Variants in BCAS3 observed in about 807,000 individuals in gnomAD.
BCAS3 encodes BCAS4/BCAS3 fusion.
BCAS3 carries 53 observed loss-of-function variants against 116.1 expected under a neutral mutation model. The ratio of observed to expected loss-of-function variants is 0.46; its 90% CI spans 0.37 to 0.57. The LOEUF is 0.57. Ranked by LOEUF, BCAS3 falls within the 20% of genes least tolerant of loss-of-function variation. The pLI is 0.00. For missense variants in BCAS3, 917 were observed against 1,165.4 expected, an observed-to-expected ratio of 0.79 and a Z score of 3.10; for synonymous variants, 391 against 408.2, an observed-to-expected ratio of 0.96 and a Z score of 0.51.
rs1185382697 is a variant in BCAS3, at chr17:61,068,410, C to T, written c.2030-6510C>T. Among the ~76,000 whole-genome samples the T allele has an allele frequency of 6.6e-6, 1 of 152,146 alleles. No homozygotes were observed. On this transcript the variant is annotated intron_variant, in intron 19 of 23. Coordinates refer to ENST00000407086, the MANE Select transcript of BCAS3 (RefSeq NM_017679.5). This position sits in a 1 kb window ranked among gnomAD's most constrained non-coding sequence, Gnocchi z 4.3. ...TGTCACCACTGACATGTCCCATTTC[C>T]CCACCAGATCATTGGCCATTGGTTC...
In BCAS3 at chr17:61,063,821, T is replaced by G. The variant is rs529894484; in HGVS notation, c.2030-11099T>G. Among the ~76,000 whole-genome samples, 2 of 152,312 alleles carry G rather than the reference T, an allele frequency of 1.3e-5. No homozygotes were observed. The highest frequency in any genetic ancestry group is 4.8e-5 in the African/African-American group (2 of 41,576). ...TCAATTAAGGCACAAAGAAGATGAATTTTTTTCCTATCAAATTGATATGGA... is the reference window on the plus strand; with the variant it reads ...TCAATTAAGGCACAAAGAAGATGAAGTTTTTTCCTATCAAATTGATATGGA... On this transcript the variant is annotated intron_variant, in intron 19 of 23. Transcript: ENST00000407086. This position sits in a 1 kb window ranked among gnomAD's most constrained non-coding sequence, Gnocchi z 5.3.
chr17:61,198,659 T>C lies in BCAS3; in HGVS notation c.2425+114095T>C, dbSNP rs2080640215. On this transcript the variant is annotated intron_variant, in intron 22 of 23. Transcript: ENST00000407086. The surrounding 1 kb of genome is among the most constrained non-coding windows in gnomAD (Gnocchi z 5.0). ...GATTCTGACCCATTTTTAGCTTCTG[T>C]GCATTTACTTTTAGTTAATCTGTTT... Among the ~76,000 whole-genome samples, 1 of 152,248 alleles carries C rather than the reference T, an allele frequency of 6.6e-6. No homozygotes were observed. Among genetic ancestry groups the C allele is most frequent in the South Asian group, 2.1e-4 (1 of 4,830 alleles).
At chr17:61,266,800 T>G (rs1015597631) in intron 22 of BCAS3, among the ~76,000 whole-genome samples, 1 of 152,246 alleles carries the variant, frequency 6.6e-6, no homozygotes, top group African/African-American at 2.4e-5. Flanking sequence ...TTCTCCCACT[T>G]TGTAAACACC....
At position 61,105,312 on chromosome 17, in the gene BCAS3, G is replaced by A. The variant is rs117916011; in HGVS notation, c.2425+20748G>A. Among the ~76,000 whole-genome samples the A allele has an allele frequency of 4.3e-4, 66 of 152,292 alleles. No individual in the cohort carries two copies. Among genetic ancestry groups the A allele is most frequent in the Non-Finnish European group, 2.5e-4 (17 of 68,030 alleles). ...AAATGATCACAGAAAAACCTAGGAG[G>A]AGCTAGTTCCATTTGTGAGGTTTTC... On this transcript the variant is annotated intron_variant, in intron 22 of 23. Transcript: ENST00000407086. This position sits in a 1 kb window ranked among gnomAD's most constrained non-coding sequence, Gnocchi z 4.3.
intron 22 of BCAS3, among the ~76,000 whole-genome samples, chr17:61,113,143 C>CCCA (rs2075209004): frequency 1.5e-5 from 1 of 64,698 alleles, no homozygotes; most frequent in Admixed American, 2.1e-4. Context: ...CAGGAAAGAT[C>CCCA]CAAAATTGAC....
At position 61,041,799 on chromosome 17, in the gene BCAS3, A is replaced by G. The variant is rs756845640; in HGVS notation, c.2029+907A>G. Among the ~76,000 whole-genome samples the G allele has an allele frequency of 6.6e-6, 1 of 152,036 alleles. No individual in the cohort carries two copies. The highest frequency in any genetic ancestry group is 2.1e-4 in the South Asian group (1 of 4,820). ...CAAGTTATGAAACTCTATAACTGTA[A>G]TCAATAGTTGGCAGTCTTGCTCTCT... is the stretch of plus-strand genomic sequence containing the variant. On this transcript the variant is annotated intron_variant, in intron 19 of 23. Transcript: ENST00000407086. The surrounding 1 kb of genome is among the most constrained non-coding windows in gnomAD (Gnocchi z 4.7).
intron 19 of BCAS3, among the ~76,000 whole-genome samples, chr17:61,052,964 G>A (rs933434091): frequency 5.3e-5 from 8 of 151,962 alleles, no homozygotes; most frequent in Non-Finnish European, 1.0e-4. Flanking sequence ...CGATCTGCCC[G>A]CCTCGGCCTC....
chr17:61,002,064 T>A (rs2064278444), intron 15 of BCAS3, among the ~76,000 whole-genome samples: 1 of 152,036 alleles, frequency 6.6e-6, no homozygotes, highest in South Asian at 2.1e-4. Context: ...GAGAGAAAGG[T>A]ATAGATAACG....
chr17:61,192,995 C>T (rs187435914), intron 22 of BCAS3, among the ~76,000 whole-genome samples: 2 of 152,348 alleles, frequency 1.3e-5, no homozygotes, highest in East Asian at 3.9e-4. Context: ...GGCACTGTGG[C>T]TCATGCCTAT....
At chr17:61,385,624 G>C (rs1362921139) in intron 23 of BCAS3, among the ~76,000 whole-genome samples, 1 of 152,196 alleles carries the variant, frequency 6.6e-6, no homozygotes, top group East Asian at 1.9e-4. Flanking sequence ...TCAAAGCCAG[G>C]CACTGGGCAA....
intron 14 of BCAS3, among the ~76,000 whole-genome samples, chr17:60,966,916 G>C (rs1196126967): frequency 1.3e-5 from 2 of 152,064 alleles, no homozygotes; most frequent in Non-Finnish European, 2.9e-5. Flanking sequence ...AAAGTGCTGG[G>C]ATTACAGATG....
intron 5 of BCAS3, among the ~76,000 whole-genome samples, chr17:60,713,121 G>A (rs2038130969): frequency 6.6e-6 from 1 of 152,206 alleles, no homozygotes; most frequent in Admixed American, 6.5e-5. Context: ...GTCCCTCCTT[G>A]TGCTTGTGAG....
rs547722442 is a variant in BCAS3, at chr17:60,691,394, A to G, written c.214+1633A>G. On this transcript the variant is annotated intron_variant, in intron 4 of 23. Transcript: ENST00000407086. ...CCAACTTCTCCACACCCTTTCCAAC[A>G]CTTGTTAGTTTCCTCTCTCTCTCTC... Among the ~76,000 whole-genome samples, 61 of 151,690 alleles carry G rather than the reference A, an allele frequency of 4.0e-4. 1 individual carries two copies. In the South Asian group the frequency reaches 0.012, roughly 31 times the overall value.
chr17:61,165,916 T>C, intron 22 of BCAS3, among the ~76,000 whole-genome samples: 1 of 152,166 alleles, frequency 6.6e-6, no homozygotes, highest in South Asian at 2.1e-4. Flanking sequence ...AGATGTTAGG[T>C]TATTTCAGCA....
chr17:60,911,596 C>A (rs957860871), intron 12 of BCAS3, among the ~76,000 whole-genome samples: 1 of 152,100 alleles, frequency 6.6e-6, no homozygotes, highest in South Asian at 2.1e-4. Flanking sequence ...CCGCGCCCAG[C>A]CTTAATTTTT....
chr17:60,984,873 G>A (rs1373984541), intron 14 of BCAS3, among the ~76,000 whole-genome samples: 1 of 151,632 alleles, frequency 6.6e-6, no homozygotes, highest in Admixed American at 6.6e-5. Flanking sequence ...AGATGGGCGT[G>A]GTGGTGCATG....
At chr17:61,060,472 G>A (rs917054451) in intron 19 of BCAS3, among the ~76,000 whole-genome samples, 1 of 151,994 alleles carries the variant, frequency 6.6e-6, no homozygotes, top group South Asian at 2.1e-4. Flanking sequence ...GATACATATA[G>A]TGTTATGTGG....
intron 7 of BCAS3, among the ~76,000 whole-genome samples, chr17:60,855,711 G>T (rs376540951): frequency 1.3e-5 from 2 of 151,804 alleles, no homozygotes. Flanking sequence ...TTGAGACAGG[G>T]TCTCACTTTG....
At chr17:60,858,473 G>C (rs2053869018) in intron 7 of BCAS3, among the ~76,000 whole-genome samples, 1 of 151,764 alleles carries the variant, frequency 6.6e-6, no homozygotes, top group Non-Finnish European at 1.5e-5. Context: ...TCATGGTATT[G>C]AGATTCACTT....
Sources: gnomAD v4.1 joint callset for allele counts (sites outside exome capture counted in the v4.1 genomes callset) on GRCh38, gnomAD v4.1.1 for gene constraint, Gnocchi (gnomAD v3.1) non-coding constraint, MANE v1.5 for transcripts, NCBI Gene and HGNC (gene_info 2026-07-23, HGNC 2026-07-21) for gene names.